Variants in DNMT1 observed in about 807,000 individuals in gnomAD.
DNMT1 encodes the protein DNA methyltransferase 1.
DNMT1 carries 24 observed loss-of-function variants against 205.3 expected under a neutral mutation model. The ratio of observed to expected loss-of-function variants is 0.12; its 90% CI spans 0.08 to 0.16. The LOEUF is 0.16. DNMT1 is among the 10% of genes least tolerant of loss of function. DNMT1 has a pLI of 1.00. For synonymous variants in DNMT1, 817 were observed against 839.8 expected (o/e 0.97, Z 0.47); for missense variants, 1,293 against 2,177.7 (o/e 0.59, Z 8.09).
In DNMT1 at chr19:10,194,804, C is replaced by T; in HGVS notation, c.80+16G>A. 1 of 1,611,196 alleles carries T rather than the reference C, an allele frequency of 6.2e-7. No individual in the cohort carries two copies. Among genetic ancestry groups the T allele is most frequent in the Non-Finnish European group, 8.5e-7 (1 of 1,178,964 alleles). ...GCCTGTCCCCCTGAGTCCGTGTTCC[C>T]CCCCATGGTACCTACCGCCTGCGGA... On this transcript the variant is annotated intron_variant, in intron 1 of 40. Transcript: ENST00000359526.
chr19:10,193,907 A>G (rs1297279977), intron 1 of DNMT1, among the ~76,000 whole-genome samples: 2 of 152,182 alleles, frequency 1.3e-5, no homozygotes, highest in East Asian at 3.8e-4. Flanking sequence ...GATGGCGTTC[A>G]TGAACAAGGG....
intron 13 of DNMT1, among the ~76,000 whole-genome samples, chr19:10,160,986 T>C (rs1449506495): frequency 2.6e-5 from 4 of 151,912 alleles, no homozygotes; most frequent in Admixed American, 6.6e-5. Flanking sequence ...CCTGTGTAAG[T>C]GGACACCTCA....
intron 1 of DNMT1, among the ~76,000 whole-genome samples, chr19:10,187,690 C>CA (rs1419980047): frequency 8.6e-5 from 13 of 150,720 alleles, no homozygotes; most frequent in East Asian, 2.0e-4. Flanking sequence ...GGCAACACAG[C>CA]GAGAACCTGT....
chr19:10,144,010 C>T (rs1461592194), intron 28 of DNMT1, 23 bp from the exon 29 acceptor site: 3 of 1,611,954 alleles, frequency 1.9e-6, no homozygotes, highest in Non-Finnish European at 2.5e-6. Flanking sequence ...ACCCACTTGA[C>T]ATCAATGAAC....
rs2145320015 is a variant in DNMT1, at chr19:10,159,629, A to T, written c.1280+29T>A. 1.9e-6 allele frequency: 3 copies of T among 1,611,262 alleles called. No individual in the cohort carries two copies. Among genetic ancestry groups the T allele is most frequent in the Middle Eastern group, 3.3e-4 (2 of 6,020 alleles). ...TCTGGGGATGTGCCTCCTTCCACGA[A>T]GCAAACATGCACACGAAAGTGCACT... On this transcript the variant is annotated intron_variant, in intron 17 of 40. Transcript: ENST00000359526. The surrounding 1 kb of genome is among the most constrained non-coding windows in gnomAD (Gnocchi z 5.0).
intron 6 of DNMT1, among the ~76,000 whole-genome samples, chr19:10,176,622 T>C (rs948801463): frequency 4.6e-5 from 7 of 152,042 alleles, no homozygotes; most frequent in Middle Eastern, 3.2e-3. Context: ...CTTTGGGAGG[T>C]TGAAGTGGGC....
intron 40 of DNMT1, 113 bp downstream of exon 40, chr19:10,134,100 CGTGG>C: frequency 9.6e-7 from 1 of 1,036,840 alleles, no homozygotes; most frequent in African/African-American, 1.6e-5. Context: ...GGGCCACGAA[CGTGG>C]GTAGGTGACC....
chr19:10,156,939 G>A lies in DNMT1; in HGVS notation c.1281-430C>T, dbSNP rs140636298. Reference sequence around the variant, plus strand: ...GCCCCGACACTCATTTTTTGGTTGCGGGAACACTGGATTAAGACAGCGTTC... The same window carrying A: ...GCCCCGACACTCATTTTTTGGTTGCAGGAACACTGGATTAAGACAGCGTTC... On this transcript the variant is annotated intron_variant, in intron 17 of 40. Transcript: ENST00000359526. This position sits in a 1 kb window ranked among gnomAD's most constrained non-coding sequence, Gnocchi z 4.2. 3.9e-5 allele frequency among the ~76,000 whole-genome samples: 6 copies of A among 152,136 alleles called. No individual in the cohort carries two copies. Among genetic ancestry groups the A allele is most frequent in the South Asian group, 2.1e-4 (1 of 4,820 alleles).
intron 28 of DNMT1, 48 bp from the exon 29 acceptor site, chr19:10,144,035 T>C: frequency 6.3e-7 from 1 of 1,591,878 alleles, no homozygotes; most frequent in Non-Finnish European, 8.6e-7. Flanking sequence ...CACCTTGCAG[T>C]GGTCAGTCAG....
At chr19:10,169,135 C>T (rs1468513253) in intron 9 of DNMT1, among the ~76,000 whole-genome samples, 2 of 152,080 alleles carry the variant, frequency 1.3e-5, no homozygotes, top group East Asian at 3.9e-4. Flanking sequence ...CAGCCTGAGG[C>T]TGCATTTAAA....
chr19:10,153,601 C>A (rs1231049441), intron 22 of DNMT1, among the ~76,000 whole-genome samples: 1 of 150,012 alleles, frequency 6.7e-6, no homozygotes, highest in African/African-American at 2.5e-5. Flanking sequence ...GGTGCCACTG[C>A]ACTCTAGCCT....
In DNMT1 at chr19:10,142,099, A is replaced by G; in HGVS notation, c.3238T>C (p.Tyr1080His). Residue 1080 changes from tyrosine (Y) to histidine (H), a missense_variant, in exon 30 of 41, where the codon TAT becomes CAT. Physicochemically the swap from Tyr to His is moderately conservative, Grantham distance 83. Transcript: ENST00000359526. The stretch of plus-strand genomic sequence containing the variant: ...ACGCACTCGGGCAGGTCCTCCCCAT[A>G]CTCCACGGTGCAGCGGCCCTGCACA... ...KAVQGRCTVE[Y>H]GEDLPECVQV... 2 of 1,612,400 alleles carry G rather than the reference A, an allele frequency of 1.2e-6. No individual in the cohort carries two copies. The highest frequency in any genetic ancestry group is 1.7e-6 in the Non-Finnish European group (2 of 1,178,882).
At chr19:10,177,632 T>G (rs1343120679) in intron 5 of DNMT1, among the ~76,000 whole-genome samples, 2 of 152,088 alleles carry the variant, frequency 1.3e-5, no homozygotes, top group African/African-American at 4.8e-5. Context: ...CTTGTTAAAA[T>G]ATCAAAAGAT....
At chr19:10,175,328 C>T (rs565695983) in intron 7 of DNMT1, among the ~76,000 whole-genome samples, 2 of 151,828 alleles carry the variant, frequency 1.3e-5, no homozygotes, top group African/African-American at 4.8e-5. Flanking sequence ...AAAAATCAAA[C>T]GAATTATATA....
In DNMT1 at chr19:10,133,579, G is replaced by C; in HGVS notation, c.*88C>G. On this transcript the variant is annotated 3_prime_UTR_variant, in exon 41 of 41. Coordinates refer to ENST00000359526, the MANE Select transcript of DNMT1 (RefSeq NM_001130823.3). This position sits in a 1 kb window ranked among gnomAD's most constrained non-coding sequence, Gnocchi z 4.1. The stretch of plus-strand genomic sequence containing the variant: ...CACAAACACCATGTACCACACATGT[G>C]AACGGACAGATTGACATGTTAAAAA... 1 of 1,461,692 alleles carries C rather than the reference G, an allele frequency of 6.8e-7. No individual in the cohort carries two copies. The highest frequency in any genetic ancestry group is 9.4e-7 in the Non-Finnish European group (1 of 1,065,600). 90.5% of individuals were successfully genotyped at this position (1,461,692 alleles called of 1,614,324 possible).
chr19:10,133,685 C>T lies in DNMT1; in HGVS notation c.4881G>A (p.Glu1627=), dbSNP rs763502466. Residue 1627 remains glutamate, a synonymous_variant, in exon 41 of 41, where the codon GAG becomes GAA. Coordinates refer to ENST00000359526, the MANE Select transcript of DNMT1 (RefSeq NM_001130823.3). The surrounding 1 kb of genome is among the most constrained non-coding windows in gnomAD (Gnocchi z 4.1). ...RESASAKIKE[E]EAAKD is the part of the protein sequence containing the mutation. Reference sequence around the variant, plus strand: ...GGCAGAACTAGTCCTTAGCAGCTTCCTCCTCCTTTATTTTAGCTGAAGGGA... The same window carrying T: ...GGCAGAACTAGTCCTTAGCAGCTTCTTCCTCCTTTATTTTAGCTGAAGGGA... 12 of 1,597,076 alleles carry T rather than the reference C, an allele frequency of 7.5e-6. No homozygotes were observed. The East Asian group carries it at 1.1e-4, about 15-fold the overall frequency.
At chr19:10,187,917 AG>A (rs1409992121) in intron 1 of DNMT1, among the ~76,000 whole-genome samples, 2 of 152,122 alleles carry the variant, frequency 1.3e-5, no homozygotes, top group Non-Finnish European at 2.9e-5. Flanking sequence ...CCAAAGCGGG[AG>A]GATCAATAGA....
At position 10,149,542 on chromosome 19, in the gene DNMT1, C is replaced by T; in HGVS notation, c.2497G>A (p.Val833Met). 6.2e-7 allele frequency: 1 copy of T among 1,614,072 alleles called. No homozygotes were observed. Among genetic ancestry groups the T allele is most frequent in the Non-Finnish European group, 8.5e-7 (1 of 1,180,014 alleles). ...AGCTGCATGTCCTCACATTCATCCA[C>T]CAAGAACAGCTCCAGAGGGTCCGAC... Reference protein sequence around the residue: ...ATSDPLELFLVDECEDMQLSY... With the variant: ...ATSDPLELFLMDECEDMQLSY... Residue 833 changes from valine (V) to methionine (M), a missense_variant, in exon 26 of 41, where the codon GTG (valine) becomes ATG (methionine). Physicochemically the swap from Val to Met is conservative, Grantham distance 21. Coordinates refer to ENST00000359526, the MANE Select transcript of DNMT1 (RefSeq NM_001130823.3).
chr19:10,192,948 G>A (rs1011818578), intron 1 of DNMT1, among the ~76,000 whole-genome samples: 1 of 152,112 alleles, frequency 6.6e-6, no homozygotes, highest in Non-Finnish European at 1.5e-5. Context: ...TTCGGAGGCT[G>A]AGGCAGGAGA....
Sources: allele counts gnomAD v4.1 joint callset (sites outside exome capture counted in the v4.1 genomes callset), GRCh38; gene constraint gnomAD v4.1.1; non-coding constraint Gnocchi (gnomAD v3.1); transcripts MANE v1.5; gene names NCBI Gene and HGNC (gene_info 2026-07-23, HGNC 2026-07-21).